JMJD1C: variants seen among roughly 807,000 people sequenced by gnomAD.
JMJD1C encodes jumonji domain-containing protein 1C.
Under a neutral mutation model 245.3 loss-of-function variants are expected in JMJD1C, and 31 were observed. The observed-to-expected ratio is 0.13, with a 90% CI of 0.09 to 0.17. JMJD1C has a LOEUF of 0.17. Ranked by LOEUF, JMJD1C falls within the 10% of genes least tolerant of loss-of-function variation. The probability of loss-of-function intolerance (pLI) is 1.00; values close to 1 mark genes in which losing one functional copy is unlikely to be tolerated. For synonymous variants in JMJD1C, 1,057 were observed against 1,017.4 expected (o/e 1.04, Z -0.74); for missense variants, 2,691 against 3,000.2 (o/e 0.90, Z 2.41).
chr10:63,419,834 TAAAAAA>T (rs34006135), intron 1 of JMJD1C, among the ~76,000 whole-genome samples: 1 of 114,504 alleles, frequency 8.7e-6, no homozygotes, highest in Non-Finnish European at 1.8e-5. Context: ...CTCCATGAAA[TAAAAAA>T]AAAAAAAAAA....
At chr10:63,317,448 C>T (rs1180780646) in intron 2 of JMJD1C, among the ~76,000 whole-genome samples, 1 of 151,978 alleles carries the variant, frequency 6.6e-6, no homozygotes, top group Non-Finnish European at 1.5e-5. Flanking sequence ...AGTCATCCTG[C>T]TCTGCCATAG....
intron 2 of JMJD1C, among the ~76,000 whole-genome samples, chr10:63,268,295 C>T (rs1301586814): frequency 2.7e-5 from 4 of 147,862 alleles, no homozygotes; most frequent in Admixed American, 1.3e-4. Flanking sequence ...CCCACCCAAG[C>T]AGGTCTATTG....
intron 2 of JMJD1C, among the ~76,000 whole-genome samples, chr10:63,278,558 CAAAA>C (rs1333453149): frequency 1.7e-4 from 26 of 150,368 alleles, no homozygotes; most frequent in African/African-American, 6.4e-4. Flanking sequence ...AACAAACAAA[CAAAA>C]AAAAGAGTAC....
At chr10:63,281,457 CCTTTTTT>C (rs1857382006) in intron 2 of JMJD1C, among the ~76,000 whole-genome samples, 1 of 107,768 alleles carries the variant, frequency 9.3e-6, no homozygotes, top group African/African-American at 3.6e-5. Flanking sequence ...CTGCGCCTGG[CCTTTTTT>C]TTTTTTTTTT....
At chr10:63,484,220 GGATGGATGGATGGATGGATAGATAGATA>G (rs1439092499) in intron 1 of JMJD1C, among the ~76,000 whole-genome samples, 165 of 62,194 alleles carry the variant, frequency 2.7e-3, no homozygotes, top group African/African-American at 4.1e-3. Context: ...ATGGATGGAT[GGATGGATGGATGGATGGATAGATAGATA>G]GATAGATAGA....
chr10:63,505,265 C>G (rs1378055375), intron 1 of JMJD1C, among the ~76,000 whole-genome samples: 1 of 147,044 alleles, frequency 6.8e-6, no homozygotes, highest in African/African-American at 2.6e-5. Flanking sequence ...TGAAGTGAGC[C>G]GAGATCGCGC....
At chr10:63,517,637 A>G (rs1046260842) in intron 1 of JMJD1C, among the ~76,000 whole-genome samples, 2 of 152,180 alleles carry the variant, frequency 1.3e-5, no homozygotes, top group African/African-American at 4.8e-5. Context: ...TCAGTACTTA[A>G]AGAAATCATA....
intron 1 of JMJD1C, among the ~76,000 whole-genome samples, chr10:63,420,316 A>G (rs1950048205): frequency 6.6e-6 from 1 of 152,178 alleles, no homozygotes; most frequent in Non-Finnish European, 1.5e-5. Flanking sequence ...ATGCCAACAA[A>G]AGTACCACAT....
chr10:63,456,281 A>G (rs1040954567), intron 1 of JMJD1C, among the ~76,000 whole-genome samples: 4 of 152,234 alleles, frequency 2.6e-5, no homozygotes, highest in African/African-American at 9.6e-5. Flanking sequence ...ATGTGATTTT[A>G]AAGAAGAAAA....
chr10:63,285,586 T>C (rs1392601806), intron 2 of JMJD1C, among the ~76,000 whole-genome samples: 2 of 152,028 alleles, frequency 1.3e-5, no homozygotes, highest in Non-Finnish European at 2.9e-5. Context: ...TGGGAAGCAA[T>C]CACTTGAGCC....
At chr10:63,192,745 C>CA (rs1564579763) in intron 16 of JMJD1C, among the ~76,000 whole-genome samples, 193 bp downstream of exon 16, 1 of 151,882 alleles carries the variant, frequency 6.6e-6, no homozygotes, top group Non-Finnish European at 1.5e-5. Flanking sequence ...ACAAAAACAA[C>CA]AAAAAAACAA....
intron 2 of JMJD1C, among the ~76,000 whole-genome samples, chr10:63,292,143 G>GTTTTTTTTTTTTTTTTTTTT (rs1396774570): frequency 4.4e-4 from 6 of 13,510 alleles, no homozygotes; most frequent in Non-Finnish European, 5.3e-4. Context: ...TGTAGAGACA[G>GTTTTTTTTTTTTTTTTTTTT]ATTTTTTTTT....
intron 10 of JMJD1C, among the ~76,000 whole-genome samples, chr10:63,201,700 C>T (rs1164018387): frequency 3.3e-5 from 5 of 152,052 alleles, no homozygotes; most frequent in South Asian, 2.1e-4. Context: ...GAGGCTGAGG[C>T]GGGCGGATCA....
chr10:63,268,185 G>A (rs1008246840), intron 2 of JMJD1C, among the ~76,000 whole-genome samples: 17 of 139,756 alleles, frequency 1.2e-4, no homozygotes, highest in South Asian at 4.6e-4. Flanking sequence ...AAATACTAAA[G>A]CAGAAAACAA....
intron 1 of JMJD1C, among the ~76,000 whole-genome samples, chr10:63,473,965 C>G (rs915087809): frequency 1.3e-5 from 2 of 151,964 alleles, no homozygotes; most frequent in Non-Finnish European, 2.9e-5. Flanking sequence ...ATCCCTAGAT[C>G]CCGGGAGGCG....
chr10:63,507,013 T>C (rs963395474), intron 1 of JMJD1C, among the ~76,000 whole-genome samples: 2 of 152,210 alleles, frequency 1.3e-5, no homozygotes, highest in African/African-American at 4.8e-5. Context: ...GCAGTCATAA[T>C]CATACACTGT....
chr10:63,518,759 TA>T (rs1195640771), intron 1 of JMJD1C, among the ~76,000 whole-genome samples: 1 of 152,232 alleles, frequency 6.6e-6, no homozygotes, highest in Non-Finnish European at 1.5e-5. Context: ...CACACCTCTC[TA>T]GCCTTCACTC....
chr10:63,358,558 T>C (rs1252907691), intron 2 of JMJD1C, among the ~76,000 whole-genome samples: 3 of 151,890 alleles, frequency 2.0e-5, no homozygotes, highest in Non-Finnish European at 2.9e-5. Flanking sequence ...AGGGTTAGAA[T>C]AGGGGAAAAA....
intron 1 of JMJD1C, among the ~76,000 whole-genome samples, chr10:63,432,313 G>A (rs1241677954): frequency 1.3e-5 from 2 of 152,158 alleles, no homozygotes; most frequent in East Asian, 1.9e-4. Context: ...TTTGTTTGGG[G>A]AGGCACTGCC....
Sources: gnomAD v4.1 joint callset for allele counts (sites outside exome capture counted in the v4.1 genomes callset) on GRCh38, gnomAD v4.1.1 for gene constraint, MANE v1.5 for transcripts, NCBI Gene and HGNC (gene_info 2026-07-23, HGNC 2026-07-21) for gene names.